CEP162: variants seen among roughly 807,000 people sequenced by gnomAD.
CEP162 encodes centrosomal protein of 162 kDa.
A neutral mutation model predicts 169.2 loss-of-function variants in CEP162; 141 were observed. The observed-to-expected ratio is 0.83, with a 90% CI of 0.73 to 0.96. The LOEUF is 0.96. Ranked by LOEUF, CEP162 falls within the 40% of genes least tolerant of loss-of-function variation. The pLI, the probability that CEP162 is intolerant of heterozygous loss-of-function variation, is 0.00. For synonymous variants in CEP162, 540 were observed against 526.4 expected, an observed-to-expected ratio of 1.03 and a Z score of -0.35; for missense variants, 1,600 against 1,587.2, an observed-to-expected ratio of 1.01 and a Z score of -0.14.
intron 7 of CEP162, among the ~76,000 whole-genome samples, chr6:84,202,740 G>C (rs2099545127): frequency 6.6e-6 from 1 of 151,486 alleles, no homozygotes; most frequent in Non-Finnish European, 1.5e-5. Context: ...ATGTTGGCCA[G>C]GCTGGTGACC....
intron 13 of CEP162, 149 bp downstream of exon 13, chr6:84,185,038 A>T: frequency 1.5e-6 from 1 of 666,054 alleles, no homozygotes; most frequent in Non-Finnish European, 2.5e-6. Context: ...TTATCTAACT[A>T]CTTTTCATCA....
chr6:84,129,545 G>A (rs2099510387), intron 25 of CEP162, among the ~76,000 whole-genome samples: 1 of 151,844 alleles, frequency 6.6e-6, no homozygotes, highest in Admixed American at 6.6e-5. Context: ...TTTTTTTCTT[G>A]TAAATTTGTT....
intron 18 of CEP162, among the ~76,000 whole-genome samples, chr6:84,166,425 A>G (rs1365005999): frequency 2.0e-5 from 3 of 152,118 alleles, no homozygotes; most frequent in Admixed American, 2.0e-4. Context: ...ATGCTGCCTT[A>G]CCTCTAACTC....
chr6:84,224,546 A>G (rs562102351), intron 2 of CEP162, among the ~76,000 whole-genome samples: 22 of 152,382 alleles, frequency 1.4e-4, no homozygotes, highest in African/African-American at 5.0e-4. Flanking sequence ...TTATGTCTCA[A>G]TAAAGCTATT....
chr6:84,197,905 G>A (rs1386904521), intron 9 of CEP162, among the ~76,000 whole-genome samples: 1 of 151,860 alleles, frequency 6.6e-6, no homozygotes, highest in African/African-American at 2.4e-5. Context: ...GTTTCATGGA[G>A]CAACACTGTC....
In CEP162 at chr6:84,200,485, T is replaced by C. The variant is rs576375037; in HGVS notation, c.835+304A>G. ...TTCTCCTACACATGGCAGATTTAAC[T>C]GAATACTCTGGAGAGGCATAGAAAA... is the stretch of plus-strand genomic sequence containing the variant. On this transcript the variant is annotated intron_variant, in intron 9 of 26. Transcript: ENST00000403245. Among the ~76,000 whole-genome samples, 4 of 152,336 alleles carry C rather than the reference T, an allele frequency of 2.6e-5. No individual in the cohort carries two copies. In the South Asian group the frequency reaches 8.3e-4, roughly 32 times the overall value.
At chr6:84,177,861 C>G (rs766242639) in intron 13 of CEP162, among the ~76,000 whole-genome samples, 1 of 152,112 alleles carries the variant, frequency 6.6e-6, no homozygotes, top group Non-Finnish European at 1.5e-5. Context: ...TAGTTCAACA[C>G]TCTTTTTAAA....
At chr6:84,223,097 A>C (rs1315301347) in intron 2 of CEP162, among the ~76,000 whole-genome samples, 11 of 152,246 alleles carry the variant, frequency 7.2e-5, no homozygotes, top group African/African-American at 7.2e-5. Context: ...AGAAGAAAAA[A>C]AGAAATGAAG....
At chr6:84,213,468 T>C (rs368285148) in intron 5 of CEP162, among the ~76,000 whole-genome samples, 14 of 152,284 alleles carry the variant, frequency 9.2e-5, no homozygotes, top group South Asian at 6.2e-4. Context: ...AGAAGCTGAA[T>C]AGGAGCCTTA....
intron 2 of CEP162, among the ~76,000 whole-genome samples, chr6:84,222,464 A>G (rs2099554077): frequency 6.6e-6 from 1 of 152,178 alleles, no homozygotes; most frequent in South Asian, 2.1e-4. Flanking sequence ...ATCTCATTCT[A>G]CATTACTTTT....
intron 11 of CEP162, among the ~76,000 whole-genome samples, chr6:84,189,154 C>T (rs1348220094): frequency 2.0e-5 from 3 of 152,144 alleles, no homozygotes; most frequent in South Asian, 2.1e-4. Context: ...TGGGTTCAAG[C>T]GATTCTCCTG....
At chr6:84,210,832 T>C (rs1408468230) in intron 6 of CEP162, among the ~76,000 whole-genome samples, 1 of 152,172 alleles carries the variant, frequency 6.6e-6, no homozygotes, top group African/African-American at 2.4e-5. Flanking sequence ...GGCATTGGGA[T>C]GTGCCTTAGC....
At position 84,185,220 on chromosome 6, in the gene CEP162, A is replaced by G; in HGVS notation, c.1630T>C (p.Ser544Pro). Residue 544 changes from serine to proline, a missense_variant, in exon 13 of 27, where the codon TCG (serine) becomes CCG (proline). Coordinates refer to ENST00000403245, the MANE Select transcript of CEP162 (RefSeq NM_014895.4). ...CTAGGTTGATTGGAGGTAGAAATCG[A>G]TCTCAAGTTTTTGCTTTTTATAATG... ...EDIIKSKNLR[S>P]ISTSNQPRKK... The G allele has an allele frequency of 3.1e-6, 5 of 1,612,814 alleles. No individual in the cohort carries two copies. The highest frequency in any genetic ancestry group is 4.2e-6 in the Non-Finnish European group (5 of 1,178,962).
At chr6:84,171,455 C>A in intron 17 of CEP162, 151 bp downstream of exon 17, 1 of 409,358 alleles carries the variant, frequency 2.4e-6, no homozygotes, top group Non-Finnish European at 4.3e-6. Context: ...AAGAAAAATC[C>A]ACTGAGTATT....
At chr6:84,180,219 T>C (rs1220515881) in intron 13 of CEP162, among the ~76,000 whole-genome samples, 1 of 152,114 alleles carries the variant, frequency 6.6e-6, no homozygotes, top group Non-Finnish European at 1.5e-5. Context: ...CAATCCAGCA[T>C]ATAAACAGAA....
chr6:84,175,925 T>TA lies in CEP162; in HGVS notation c.1664-579dup, dbSNP rs888767663. On this transcript the variant is annotated intron_variant, in intron 13 of 26. Coordinates refer to ENST00000403245, the MANE Select transcript of CEP162 (RefSeq NM_014895.4). ...AAACTTGGCAATATATATTAAATTATAAAAAAAGTGATTAATATATATTCT... is the reference window on the plus strand; with the variant it reads ...AAACTTGGCAATATATATTAAATTATAAAAAAAAGTGATTAATATATATTCT... Among the ~76,000 whole-genome samples the TA allele has an allele frequency of 1.1e-4, 17 of 152,126 alleles. No individual in the cohort carries two copies. In the Middle Eastern group the frequency reaches 0.01, roughly 91 times the overall value.
intron 22 of CEP162, among the ~76,000 whole-genome samples, chr6:84,154,324 CTATCTATCT>C (rs1562019941): frequency 2.9e-5 from 4 of 137,520 alleles, no homozygotes; most frequent in African/African-American, 1.4e-4. Context: ...ATCTATCTAT[CTATCTATCT>C]GTCTGTCTGT....
rs147730039 is a variant in CEP162 at position 84,135,601 on chromosome 6, G to A, written c.3871-9089C>T. Among the ~76,000 whole-genome samples, 982 of 151,686 alleles carry A rather than the reference G, an allele frequency of 6.5e-3. 4 individuals are homozygous for A. The highest frequency in any genetic ancestry group is 0.022 in the African/African-American group (922 of 41,000). On this transcript the variant is annotated intron_variant, in intron 25 of 26. Transcript: ENST00000403245. ...GCCTGGGCTGGTCGTGGTGGCTCAC[G>A]CCTGTAATCCCAGCTCTTTGGGAGG...
intron 13 of CEP162, among the ~76,000 whole-genome samples, chr6:84,177,904 G>T (rs2099533057): frequency 6.6e-6 from 1 of 152,166 alleles, no homozygotes; most frequent in African/African-American, 2.4e-5. Flanking sequence ...CAAGTTGAGT[G>T]AATAGCCCAA....
Sources: gnomAD v4.1 joint callset for allele counts (sites outside exome capture counted in the v4.1 genomes callset) on GRCh38, gnomAD v4.1.1 for gene constraint, MANE v1.5 for transcripts, NCBI Gene and HGNC (gene_info 2026-07-23, HGNC 2026-07-21) for gene names.